The following MPP7 variants were observed in gnomAD, a reference collection of about 807,000 sequenced individuals.
MPP7 encodes MAGUK p55 subfamily member 7.
In MPP7, 60 loss-of-function variants were observed where a neutral mutation model predicts 76.5. The observed-to-expected ratio is 0.78, with a 90% CI of 0.64 to 0.97. The LOEUF is 0.97. MPP7 is among the 50% of genes least tolerant of loss of function. The pLI, the probability that MPP7 is intolerant of heterozygous loss-of-function variation, is 0.00. For synonymous variants in MPP7, 237 were observed against 244.5 expected (o/e 0.97, Z 0.29); for missense variants, 641 against 694.0 (o/e 0.92, Z 0.86).
intron 2 of MPP7, among the ~76,000 whole-genome samples, chr10:28,221,911 T>TA (rs1838521794): frequency 6.6e-6 from 1 of 152,220 alleles, no homozygotes; most frequent in African/African-American, 2.4e-5. Flanking sequence ...AGTGCTATGC[T>TA]AGCTATTTAA....
At chr10:28,279,452 G>A (rs942228468) in intron 1 of MPP7, among the ~76,000 whole-genome samples, 1 of 152,026 alleles carries the variant, frequency 6.6e-6, no homozygotes, top group African/African-American at 2.4e-5. Flanking sequence ...ATTTCGGACA[G>A]GCGCAGTGGC....
At chr10:28,130,397 G>A (rs1835154668) in intron 6 of MPP7, among the ~76,000 whole-genome samples, 2 of 152,172 alleles carry the variant, frequency 1.3e-5, no homozygotes, top group Admixed American at 6.5e-5. Context: ...TCCAGTGCAA[G>A]CTCAGTGTTC....
chr10:28,288,228 G>A (rs376436159), intron 1 of MPP7, among the ~76,000 whole-genome samples: 1 of 152,016 alleles, frequency 6.6e-6, no homozygotes, highest in Non-Finnish European at 1.5e-5. Context: ...TATACAAAAG[G>A]GTTATTATGT....
At chr10:28,235,403 T>A (rs1839040656) in intron 2 of MPP7, among the ~76,000 whole-genome samples, 1 of 152,164 alleles carries the variant, frequency 6.6e-6, no homozygotes, top group Non-Finnish European at 1.5e-5. Flanking sequence ...ATTCTAAAAT[T>A]GCTCTAAAAA....
At chr10:28,187,585 C>CA (rs1307395806) in intron 3 of MPP7, among the ~76,000 whole-genome samples, 1 of 152,162 alleles carries the variant, frequency 6.6e-6, no homozygotes, top group East Asian at 1.9e-4. Context: ...GTAACCTCCC[C>CA]AATGGGTTTA....
intron 1 of MPP7, among the ~76,000 whole-genome samples, chr10:28,262,275 ATATTT>A (rs1308749470): frequency 0.015 from 368 of 24,670 alleles, 31 homozygotes; most frequent in African/African-American, 0.05. Context: ...ATATATATAT[ATATTT>A]TTTTTTTTTT....
chr10:28,104,932 A>C (rs1266703421), intron 11 of MPP7, among the ~76,000 whole-genome samples: 1 of 152,082 alleles, frequency 6.6e-6, no homozygotes, highest in Non-Finnish European at 1.5e-5. Context: ...CATATACTAA[A>C]ACACATTGGT....
At chr10:28,297,060 G>A (rs1412936341) in intron 1 of MPP7, among the ~76,000 whole-genome samples, 4 of 152,198 alleles carry the variant, frequency 2.6e-5, no homozygotes, top group Admixed American at 2.6e-4. Context: ...TTCAATAGGA[G>A]AGGTTATTTC....
intron 2 of MPP7, among the ~76,000 whole-genome samples, chr10:28,313,410 G>A (rs1035148111): frequency 6.6e-6 from 1 of 152,106 alleles, no homozygotes; most frequent in African/African-American, 2.4e-5. Flanking sequence ...GGAAGCTGAG[G>A]CAGGAGAATC....
Position 28,097,138 on chromosome 10 carries a change from C to A in MPP7, c.953-7297G>T, listed in dbSNP as rs138456813. On this transcript the variant is annotated intron_variant, in intron 11 of 16. Coordinates refer to ENST00000683449, the MANE Select transcript of MPP7 (RefSeq NM_001318170.2). Reference sequence around the variant, plus strand: ...CCAAGCAGCTGGACATACAGGCACACGCCAACACACCTAGTTACTTTTCAA... The same window carrying A: ...CCAAGCAGCTGGACATACAGGCACAAGCCAACACACCTAGTTACTTTTCAA... Among the ~76,000 whole-genome samples, 70 of 151,956 alleles carry A rather than the reference C, an allele frequency of 4.6e-4. No individual in the cohort carries two copies. The Middle Eastern group carries it at 0.01, about 22-fold the overall frequency.
At chr10:28,209,786 G>A (rs1838071667) in intron 2 of MPP7, among the ~76,000 whole-genome samples, 1 of 152,214 alleles carries the variant, frequency 6.6e-6, no homozygotes, top group Non-Finnish European at 1.5e-5. Flanking sequence ...AATTTTATGT[G>A]TTAATTTGAC....
At chr10:28,108,923 T>C (rs750931312) in intron 11 of MPP7, among the ~76,000 whole-genome samples, 1 of 152,122 alleles carries the variant, frequency 6.6e-6, no homozygotes, top group Non-Finnish European at 1.5e-5. Flanking sequence ...TAAGGCTTAA[T>C]TATATTTGGG....
intron 11 of MPP7, among the ~76,000 whole-genome samples, chr10:28,097,970 G>A (rs1853645888): frequency 1.3e-5 from 2 of 152,002 alleles, no homozygotes; most frequent in Admixed American, 1.3e-4. Flanking sequence ...TTTAAAACTT[G>A]GACAGTTGCA....
chr10:28,324,379 TG>T (rs1343822819), intron 2 of MPP7, among the ~76,000 whole-genome samples: 2 of 152,226 alleles, frequency 1.3e-5, no homozygotes, highest in Non-Finnish European at 2.9e-5. Flanking sequence ...CAGGCTATGA[TG>T]TTTTGTTATA....
chr10:28,260,211 T>TAATA (rs1231814428), intron 1 of MPP7, among the ~76,000 whole-genome samples: 4 of 152,216 alleles, frequency 2.6e-5, no homozygotes, highest in African/African-American at 9.6e-5. Flanking sequence ...ACTTGTTAAT[T>TAATA]AATACATGCT....
intron 11 of MPP7, among the ~76,000 whole-genome samples, chr10:28,105,694 G>A (rs1361277232): frequency 6.6e-6 from 1 of 152,110 alleles, no homozygotes. Flanking sequence ...TTTCAGTAGA[G>A]AAGGAGTTTC....
At chr10:28,261,650 C>T (rs902627826) in intron 1 of MPP7, among the ~76,000 whole-genome samples, 16 of 150,920 alleles carry the variant, frequency 1.1e-4, no homozygotes, top group African/African-American at 3.9e-4. Flanking sequence ...TGACGTAGAA[C>T]ACCCTCCAAT....
At chr10:28,136,101 T>G (rs750843898) in intron 5 of MPP7, among the ~76,000 whole-genome samples, 10 of 151,792 alleles carry the variant, frequency 6.6e-5, no homozygotes, top group Non-Finnish European at 1.2e-4. Flanking sequence ...ATGCTTCTTA[T>G]GAGAATCTAA....
chr10:28,236,701 C>T (rs1402476024), intron 2 of MPP7: 1 of 152,022 alleles, frequency 6.6e-6, no homozygotes, highest in Admixed American at 6.6e-5. Flanking sequence ...CGTATTTTCC[C>T]AAATGAGCAA....
Sources: allele counts gnomAD v4.1 joint callset (sites outside exome capture counted in the v4.1 genomes callset), GRCh38; gene constraint gnomAD v4.1.1; transcripts MANE v1.5; gene names NCBI Gene and HGNC (gene_info 2026-07-23, HGNC 2026-07-21).